Variants in ST3GAL3 observed in about 807,000 individuals in gnomAD.
ST3GAL3 encodes the protein ST3 beta-galactoside alpha-2,3-sialyltransferase 3, also known as CMP-N-acetylneuraminate-beta-1,4-galactoside alpha-2,3-sialyltransferase.
Under a neutral mutation model 50.1 loss-of-function variants are expected in ST3GAL3, and 21 were observed. The observed-to-expected ratio is 0.42, with a 90% CI of 0.30 to 0.60. The LOEUF (loss-of-function observed/expected upper bound fraction) is 0.60. ST3GAL3 is among the 20% of genes least tolerant of loss of function. The pLI, the probability that ST3GAL3 is intolerant of heterozygous loss-of-function variation, is 0.19. For synonymous variants in ST3GAL3, 183 were observed against 190.0 expected, an observed-to-expected ratio of 0.96 and a Z score of 0.30; for missense variants, 353 against 489.4, an observed-to-expected ratio of 0.72 and a Z score of 2.63.
In ST3GAL3 at chr1:43,852,776, A is replaced by T. The variant is rs17474089; in HGVS notation, c.302+14465A>T. Among the ~76,000 whole-genome samples, 53 of 152,358 alleles carry T rather than the reference A, an allele frequency of 3.5e-4. No homozygotes were observed. In the South Asian group the frequency reaches 0.011, roughly 30 times the overall value. On this transcript the variant is annotated intron_variant, in intron 5 of 11. Transcript: ENST00000347631. Reference sequence around the variant, plus strand: ...TCACAGCTTTCTCACTTCACAGGCTATGTGATCTTGGAAAAGTCTGAGCCT... The same window carrying T: ...TCACAGCTTTCTCACTTCACAGGCTTTGTGATCTTGGAAAAGTCTGAGCCT...
Position 43,920,770 on chromosome 1 carries a change from C to T in ST3GAL3, c.892-12C>T. 6.2e-7 allele frequency: 1 copy of T among 1,614,142 alleles called. No homozygotes were observed. Among genetic ancestry groups the T allele is most frequent in the Non-Finnish European group, 8.5e-7 (1 of 1,180,020 alleles). ...CTGCATGCCTTCTCTCACCCCTGCC[C>T]CCGTCTTCTAGAACATCCCTACCCT... On this transcript the variant is annotated splice_polypyrimidine_tract_variant and intron_variant, in intron 10 of 11. Coordinates refer to ENST00000347631, the MANE Select transcript of ST3GAL3 (RefSeq NM_006279.5).
At chr1:43,802,955 CAG>C (rs2059470099) in intron 3 of ST3GAL3, among the ~76,000 whole-genome samples, 1 of 152,066 alleles carries the variant, frequency 6.6e-6, no homozygotes, top group Non-Finnish European at 1.5e-5. Flanking sequence ...GTTTTTGAGA[CAG>C]AGTCTCACTC....
chr1:43,758,126 C>T (rs1296927067), intron 2 of ST3GAL3, among the ~76,000 whole-genome samples: 3 of 151,318 alleles, frequency 2.0e-5, no homozygotes, highest in Non-Finnish European at 2.9e-5. Context: ...TAAGACACTA[C>T]TCTTATACTA....
chr1:43,719,404 G>T (rs778496237), intron 1 of ST3GAL3, among the ~76,000 whole-genome samples: 40 of 151,970 alleles, frequency 2.6e-4, no homozygotes, highest in Non-Finnish European at 4.4e-4. Flanking sequence ...GCTCATGCTT[G>T]TAATACTAGC....
At chr1:43,709,958 GGAA>G (rs1449458119) in intron 1 of ST3GAL3, among the ~76,000 whole-genome samples, 1 of 151,890 alleles carries the variant, frequency 6.6e-6, no homozygotes, top group East Asian at 1.9e-4. Flanking sequence ...TCAGCTACTT[GGAA>G]TAACAGTTCT....
At chr1:43,849,426 T>A (rs1200452320) in intron 5 of ST3GAL3, among the ~76,000 whole-genome samples, 1 of 152,194 alleles carries the variant, frequency 6.6e-6, no homozygotes, top group African/African-American at 2.4e-5. Flanking sequence ...TTTTAACTTT[T>A]TAAGAAATTA....
At chr1:43,710,140 G>A (rs934543734) in intron 1 of ST3GAL3, among the ~76,000 whole-genome samples, 1 of 152,046 alleles carries the variant, frequency 6.6e-6, no homozygotes, top group Non-Finnish European at 1.5e-5. Flanking sequence ...GGAGTGCAGT[G>A]GCCCCATCTC....
chr1:43,745,950 A>T (rs1438239341), intron 2 of ST3GAL3, among the ~76,000 whole-genome samples: 1 of 152,244 alleles, frequency 6.6e-6, no homozygotes, highest in African/African-American at 2.4e-5. Context: ...TGATACGCAA[A>T]TACCATTGTG....
intron 11 of ST3GAL3, among the ~76,000 whole-genome samples, chr1:43,925,296 C>CAA (rs57654790): frequency 1.2e-4 from 11 of 90,246 alleles, no homozygotes; most frequent in East Asian, 1.0e-3. Flanking sequence ...GACTGTGTCT[C>CAA]AAAAAAAAAA....
intron 5 of ST3GAL3, among the ~76,000 whole-genome samples, chr1:43,854,182 T>C (rs2067892903): frequency 6.6e-6 from 1 of 152,188 alleles, no homozygotes; most frequent in African/African-American, 2.4e-5. Flanking sequence ...TGGGAGCACA[T>C]TGGGCACCCC....
chr1:43,748,200 A>G (rs181096199), intron 2 of ST3GAL3, among the ~76,000 whole-genome samples: 2 of 152,286 alleles, frequency 1.3e-5, no homozygotes, highest in East Asian at 3.9e-4. Flanking sequence ...TACTGGAAGC[A>G]CACAAATAGA....
chr1:43,907,858 T>G (rs2080081986), intron 9 of ST3GAL3, among the ~76,000 whole-genome samples: 1 of 152,208 alleles, frequency 6.6e-6, no homozygotes, highest in African/African-American at 2.4e-5. Context: ...CCTCTCTTCT[T>G]TTCTCTTTCA....
intron 11 of ST3GAL3, among the ~76,000 whole-genome samples, chr1:43,928,514 C>A (rs1390443075): frequency 6.6e-6 from 1 of 152,082 alleles, no homozygotes; most frequent in East Asian, 1.9e-4. Context: ...GCAGGAGAAT[C>A]CCTTGAACCC....
At chr1:43,917,592 T>TAA (rs1414429168) in intron 9 of ST3GAL3, among the ~76,000 whole-genome samples, 1 of 48,354 alleles carries the variant, frequency 2.1e-5, no homozygotes, top group Non-Finnish European at 3.8e-5. Context: ...GTATTATATA[T>TAA]AATATATATA....
At chr1:43,799,221 C>G (rs1189439020) in intron 3 of ST3GAL3, among the ~76,000 whole-genome samples, 2 of 152,098 alleles carry the variant, frequency 1.3e-5, no homozygotes, top group Non-Finnish European at 2.9e-5. Context: ...TTACTTCATT[C>G]TTTATAAGTG....
intron 5 of ST3GAL3, among the ~76,000 whole-genome samples, chr1:43,892,551 T>G (rs1403589328): frequency 6.6e-6 from 1 of 152,196 alleles, no homozygotes; most frequent in African/African-American, 2.4e-5. Context: ...CTTGTCTGTA[T>G]TTTTTCCAAA....
At chr1:43,830,570 A>G (rs777394849) in intron 4 of ST3GAL3, among the ~76,000 whole-genome samples, 3 of 152,200 alleles carry the variant, frequency 2.0e-5, no homozygotes, top group Admixed American at 6.5e-5. Context: ...TTTAGGGACA[A>G]TGTTATCTGG....
intron 5 of ST3GAL3, among the ~76,000 whole-genome samples, chr1:43,871,259 G>A (rs2072636230): frequency 6.6e-6 from 1 of 152,190 alleles, no homozygotes; most frequent in Admixed American, 6.5e-5. Flanking sequence ...TACTTGGCAG[G>A]ATGTGCACTG....
chr1:43,821,320 G>A (rs887661053), intron 4 of ST3GAL3, among the ~76,000 whole-genome samples: 6 of 152,114 alleles, frequency 3.9e-5, no homozygotes, highest in African/African-American at 1.4e-4. Context: ...GTACAAAAAG[G>A]ATAACCAGGG....
Sources: gnomAD v4.1 joint callset for allele counts (sites outside exome capture counted in the v4.1 genomes callset) on GRCh38, gnomAD v4.1.1 for gene constraint, MANE v1.5 for transcripts, NCBI Gene and HGNC (gene_info 2026-07-23, HGNC 2026-07-21) for gene names.